TCF12: variants seen among roughly 807,000 people sequenced by gnomAD.
TCF12 encodes DNA-binding protein HTF4.
TCF12 carries 45 observed loss-of-function variants against 86.0 expected under a neutral mutation model. That is an observed-to-expected ratio of 0.52 (90% CI 0.41 to 0.67). TCF12 has a LOEUF of 0.67. TCF12 is among the 30% of genes least tolerant of loss of function. The pLI is 0.00. For missense variants in TCF12, 881 were observed against 859.9 expected, an observed-to-expected ratio of 1.02 and a Z score of -0.31; for synonymous variants, 330 against 299.6, an observed-to-expected ratio of 1.10 and a Z score of -1.05.
rs576382060 is a variant in TCF12, at chr15:57,257,842, T to C, written c.1468-4252T>C. On this transcript the variant is annotated intron_variant, in intron 16 of 20. Coordinates refer to ENST00000333725, the MANE Select transcript of TCF12 (RefSeq NM_207037.2). ...TTCTCATTAGTATTTGATACTGATA[T>C]ATCATTTAAATTTTAAAGCGCGAAA... 5.3e-5 allele frequency among the ~76,000 whole-genome samples: 8 copies of C among 152,282 alleles called. No homozygotes were observed. In the South Asian group the frequency reaches 1.7e-3, roughly 32 times the overall value.
chr15:56,969,193 G>A (rs1260265650), intron 3 of TCF12, among the ~76,000 whole-genome samples: 3 of 152,190 alleles, frequency 2.0e-5, no homozygotes, highest in Non-Finnish European at 4.4e-5. Context: ...AGGCAGGTTT[G>A]CCTGACACAG....
chr15:57,152,662 GA>G (rs1370393849), intron 5 of TCF12, among the ~76,000 whole-genome samples: 20 of 151,402 alleles, frequency 1.3e-4, no homozygotes, highest in Non-Finnish European at 2.8e-4. Context: ...AACACAAAGA[GA>G]AAAAAAATGA....
In TCF12 at chr15:56,942,075, A is replaced by G. The variant is rs2060803737; in HGVS notation, c.148+20977A>G. Among the ~76,000 whole-genome samples the G allele has an allele frequency of 4.6e-5, 7 of 152,238 alleles. No homozygotes were observed. The South Asian group carries it at 1.5e-3, about 32-fold the overall frequency. ...CAAACAGTAACTTTTATTGATTGTA[A>G]AACTTCCAGATTTCTGAGATGCCGC... On this transcript the variant is annotated intron_variant, in intron 3 of 20. Transcript: ENST00000333725.
At chr15:57,018,277 G>A (rs1231614465) in intron 3 of TCF12, among the ~76,000 whole-genome samples, 1 of 152,156 alleles carries the variant, frequency 6.6e-6, no homozygotes, top group Non-Finnish European at 1.5e-5. Flanking sequence ...TTAGTTTACA[G>A]AAATAACATT....
chr15:56,988,775 T>G (rs2063313075), intron 3 of TCF12, among the ~76,000 whole-genome samples: 1 of 152,176 alleles, frequency 6.6e-6, no homozygotes, highest in Admixed American at 6.5e-5. Flanking sequence ...CAACTCTGAC[T>G]TCCCATGTTC....
At position 57,287,025 on chromosome 15, in the gene TCF12, A is replaced by G. The variant is rs1045665; in HGVS notation, c.*880A>G. The stretch of plus-strand genomic sequence containing the variant: ...CATTGCTTTATTTCTAATAATAACC[A>G]AGACTTTTCAAGCTTCTAGATCTCA... On this transcript the variant is annotated 3_prime_UTR_variant, in exon 21 of 21. Transcript: ENST00000333725. 0.046 allele frequency: 8,116 copies of G among 175,644 alleles called. 581 individuals carry two copies. Among genetic ancestry groups the G allele is most frequent in the African/African-American group, 0.17 (6,961 of 41,978 alleles). 10.9% of individuals were successfully genotyped at this position (175,644 alleles called of 1,614,324 possible). A position where few individuals can be genotyped will look rare whatever the true frequency, so the allele number is the denominator to read the frequency against.
chr15:57,247,309 A>G (rs1468674645), intron 13 of TCF12: 3 of 657,760 alleles, frequency 4.6e-6, no homozygotes, highest in East Asian at 2.7e-5. Flanking sequence ...CTTCACCACC[A>G]TAGCCTCCTC....
intron 5 of TCF12, among the ~76,000 whole-genome samples, chr15:57,134,918 C>T (rs1285997387): frequency 1.3e-5 from 2 of 151,786 alleles, no homozygotes; most frequent in Non-Finnish European, 2.9e-5. Flanking sequence ...TGTGCACCCC[C>T]ACATTCCTCC....
At chr15:57,248,882 T>G (rs1275514260) in intron 13 of TCF12, among the ~76,000 whole-genome samples, 3 of 152,228 alleles carry the variant, frequency 2.0e-5, no homozygotes, top group African/African-American at 7.2e-5. Context: ...ATTAAGCTAA[T>G]GAACAATCTC....
intron 6 of TCF12, among the ~76,000 whole-genome samples, chr15:57,168,291 A>C (rs1437062125): frequency 6.6e-6 from 1 of 152,216 alleles, no homozygotes; most frequent in Non-Finnish European, 1.5e-5. Context: ...GCTCATGCCT[A>C]GTTAAAAATT....
In TCF12 at chr15:57,255,813, C is replaced by T. The variant is rs560096695; in HGVS notation, c.1467+2345C>T. On this transcript the variant is annotated intron_variant, in intron 16 of 20. Transcript: ENST00000333725. ...ATTCGTAAAAAGAAAAAAAAAATCT[C>T]AAATTAGTCTAGAAAAAATGGTCTT... 2.6e-5 allele frequency among the ~76,000 whole-genome samples: 4 copies of T among 152,218 alleles called. No individual in the cohort carries two copies. In the South Asian group the frequency reaches 6.2e-4, roughly 24 times the overall value.
chr15:56,948,902 A>G (rs1378602627), intron 3 of TCF12, among the ~76,000 whole-genome samples: 2 of 152,240 alleles, frequency 1.3e-5, no homozygotes, highest in African/African-American at 4.8e-5. Flanking sequence ...ATTATAGCCT[A>G]GAAGAAATAG....
chr15:56,953,727 T>C (rs924683011), intron 3 of TCF12, among the ~76,000 whole-genome samples: 2 of 152,042 alleles, frequency 1.3e-5, no homozygotes, highest in Non-Finnish European at 2.9e-5. Flanking sequence ...CATTAACTTA[T>C]TATCCTTTTT....
Position 57,287,506 on chromosome 15 carries a change from C to T in TCF12, c.*1361C>T, listed in dbSNP as rs1490517899. The T allele has an allele frequency of 6.6e-6, 1 of 152,670 alleles. No individual in the cohort carries two copies. Among genetic ancestry groups the T allele is most frequent in the East Asian group, 1.9e-4 (1 of 5,202 alleles). 9.5% of individuals were successfully genotyped at this position (152,670 alleles called of 1,614,324 possible). A position where few individuals can be genotyped will look rare whatever the true frequency, so the allele number is the denominator to read the frequency against. On this transcript the variant is annotated 3_prime_UTR_variant, in exon 21 of 21. Coordinates refer to ENST00000333725, the MANE Select transcript of TCF12 (RefSeq NM_207037.2). Reference sequence around the variant, plus strand: ...TTAATACTGTTCATTAAGGCACTCTCTGTCTCTAATCCTTAGGAGTTGTTT... The same window carrying T: ...TTAATACTGTTCATTAAGGCACTCTTTGTCTCTAATCCTTAGGAGTTGTTT...
At position 57,286,626 on chromosome 15, in the gene TCF12, A is replaced by G. The variant is rs1468356755; in HGVS notation, c.*481A>G. 2 of 456,784 alleles carry G rather than the reference A, an allele frequency of 4.4e-6. No homozygotes were observed. The highest frequency in any genetic ancestry group is 8.8e-6 in the Non-Finnish European group (2 of 226,982). 28.3% of individuals were successfully genotyped at this position (456,784 alleles called of 1,614,324 possible). On this transcript the variant is annotated 3_prime_UTR_variant, in exon 21 of 21. Transcript: ENST00000333725. ...TTAAAGCGGTTCACGTGCAGAGAAC[A>G]AAGCAGTGACAACCATTGGCCCTTA...
chr15:57,000,125 T>G, intron 3 of TCF12, among the ~76,000 whole-genome samples: 1 of 152,060 alleles, frequency 6.6e-6, no homozygotes. Context: ...TTAAAATCTG[T>G]GAGCAACTTT....
chr15:57,230,460 G>A (rs2059083768), intron 8 of TCF12, among the ~76,000 whole-genome samples: 1 of 151,992 alleles, frequency 6.6e-6, no homozygotes, highest in Non-Finnish European at 1.5e-5. Flanking sequence ...GAATGCAAAT[G>A]TTGGCCATTT....
At chr15:57,096,289 G>A (rs1362005581) in intron 5 of TCF12, among the ~76,000 whole-genome samples, 3 of 151,916 alleles carry the variant, frequency 2.0e-5, no homozygotes, top group East Asian at 1.9e-4. Context: ...TTTAGCCTAC[G>A]ACACCCCAAA....
chr15:57,275,424 C>T (rs959729906), intron 19 of TCF12, among the ~76,000 whole-genome samples: 5 of 20,378 alleles, frequency 2.5e-4, no homozygotes, highest in South Asian at 1.5e-3. Context: ...TGGCCTCAAG[C>T]GTCTATAGGC....
Sources: allele counts gnomAD v4.1 joint callset (sites outside exome capture counted in the v4.1 genomes callset), GRCh38; gene constraint gnomAD v4.1.1; transcripts MANE v1.5; gene names NCBI Gene and HGNC (gene_info 2026-07-23, HGNC 2026-07-21).